Variants in P4HA2 observed in about 807,000 individuals in gnomAD.
P4HA2 encodes the protein prolyl 4-hydroxylase subunit alpha 2.
P4HA2 carries 46 observed loss-of-function variants against 76.9 expected under a neutral mutation model. The observed-to-expected ratio is 0.60, with a 90% CI of 0.47 to 0.76. The LOEUF is 0.76. P4HA2 is among the 30% of genes least tolerant of loss of function. P4HA2 has a pLI of 0.00. For missense variants in P4HA2, 583 were observed against 669.4 expected (o/e 0.87, Z 1.42); for synonymous variants, 243 against 254.0 (o/e 0.96, Z 0.41).
chr5:132,208,254 C>T lies in P4HA2; in HGVS notation c.904-370G>A, dbSNP rs192237871. On this transcript the variant is annotated intron_variant, in intron 7 of 14. Coordinates refer to ENST00000360568, the MANE Select transcript of P4HA2 (RefSeq NM_001017974.2). Reference sequence around the variant, plus strand: ...GCTGCAGTGAGCTATGATTATACCACTGCACACCAGCCTGGGCGACAGGGT... The same window carrying T: ...GCTGCAGTGAGCTATGATTATACCATTGCACACCAGCCTGGGCGACAGGGT... Among the ~76,000 whole-genome samples the T allele has an allele frequency of 2.1e-3, 316 of 148,218 alleles. 1 individual carries two copies. The highest frequency in any genetic ancestry group is 7.7e-3 in the African/African-American group (305 of 39,846).
In P4HA2 at chr5:132,195,445, G is replaced by A; in HGVS notation, c.1401C>T (p.Phe467=). The A allele has an allele frequency of 6.2e-7, 1 of 1,613,604 alleles. No individual in the cohort carries two copies. Among genetic ancestry groups the A allele is most frequent in the Non-Finnish European group, 8.5e-7 (1 of 1,179,522 alleles). Residue 467 remains phenylalanine (F), a synonymous_variant, in exon 13 of 15, where the codon TTC becomes TTT. Transcript: ENST00000360568. The part of the protein sequence containing the change: ...SDVEAGGATV[F]PDLGAAIWPK... Reference sequence around the variant, plus strand: ...GCCAAATTGCAGCCCCCAGATCAGGGAAGACGGTGGCACCACCAGCTTCTA... The same window carrying A: ...GCCAAATTGCAGCCCCCAGATCAGGAAAGACGGTGGCACCACCAGCTTCTA...
Position 132,209,248 on chromosome 5 carries a change from G to T in P4HA2, c.793C>A (p.Gln265Lys). ...GGGGTTGCTAGCTCAGCTTCTGTCT[G>T]ATTTGTTAACGTTTTTTCTCTCTCT... ...EEEREKTLTN[Q>K]TEAELATPEG... is the part of the protein sequence containing the mutation. The change falls in exon 7 of 15, where the codon CAG becomes AAG. Residue 265 changes from glutamine to lysine, a missense_variant. Transcript: ENST00000360568. 1 of 1,613,948 alleles carries T rather than the reference G, an allele frequency of 6.2e-7. No individual in the cohort carries two copies. The highest frequency in any genetic ancestry group is 8.5e-7 in the Non-Finnish European group (1 of 1,179,868).
chr5:132,213,712 T>C (rs1561487678), intron 5 of P4HA2, among the ~76,000 whole-genome samples: 1 of 152,148 alleles, frequency 6.6e-6, no homozygotes, highest in Non-Finnish European at 1.5e-5. Flanking sequence ...GAGAGGGCCT[T>C]GGCTAATACA....
chr5:132,217,006 G>A (rs1561492206), intron 4 of P4HA2, among the ~76,000 whole-genome samples, 191 bp downstream of exon 4: 2 of 152,140 alleles, frequency 1.3e-5, no homozygotes, highest in Non-Finnish European at 1.5e-5. Flanking sequence ...ATCATTACAT[G>A]TTAAAAACCA....
intron 10 of P4HA2, 53 bp downstream of exon 10, chr5:132,203,695 C>T (rs1580674876): frequency 4.3e-6 from 5 of 1,159,924 alleles, no homozygotes; most frequent in Non-Finnish European, 6.5e-6. Flanking sequence ...GTGAGACCAT[C>T]TAGCCACAAA....
intron 1 of P4HA2, among the ~76,000 whole-genome samples, 199 bp from the exon 2 acceptor site, chr5:132,218,843 C>T (rs1310945317): frequency 6.6e-6 from 1 of 152,162 alleles, no homozygotes; most frequent in East Asian, 1.9e-4. Context: ...AATTCTGGTC[C>T]CTGCTCTGGG....
chr5:132,216,941 C>CA (rs1011999160), intron 4 of P4HA2, among the ~76,000 whole-genome samples: 1 of 151,676 alleles, frequency 6.6e-6, no homozygotes, highest in Non-Finnish European at 1.5e-5. Flanking sequence ...ATGTCATTAG[C>CA]AAAAAATAAG....
intron 1 of P4HA2, among the ~76,000 whole-genome samples, chr5:132,223,621 C>T (rs1181119326): frequency 6.6e-6 from 1 of 152,220 alleles, no homozygotes; most frequent in African/African-American, 2.4e-5. Flanking sequence ...TCCAATAAAG[C>T]ATTAAGTACT....
chr5:132,192,937 A>G lies in P4HA2; in HGVS notation c.*73T>C, dbSNP rs200200474. Reference sequence around the variant, plus strand: ...AAAATCAGCCTGATAGGAACATACAAAGGAACATACAAAGGTGTCTGTCAC... The same window carrying G: ...AAAATCAGCCTGATAGGAACATACAGAGGAACATACAAAGGTGTCTGTCAC... On this transcript the variant is annotated 3_prime_UTR_variant, in exon 15 of 15. Transcript: ENST00000360568. 2.1e-6 allele frequency: 2 copies of G among 963,742 alleles called. No homozygotes were observed. The highest frequency in any genetic ancestry group is 1.3e-5 in the South Asian group (1 of 77,452). 59.7% of individuals were successfully genotyped at this position (963,742 alleles called of 1,614,324 possible).
In P4HA2 at chr5:132,213,942, C is replaced by T. The variant is rs746407250; in HGVS notation, c.443G>A (p.Gly148Asp). The T allele has an allele frequency of 8.1e-6, 13 of 1,614,142 alleles. No individual in the cohort carries two copies. The Admixed American group carries it at 1.7e-4, about 21-fold the overall frequency. ...RLQDTYRLDP[G>D]TISRGELPGT... ...TGGAAGTTCCCCTCTGGAAATTGTG[C>T]CTGGGTCCAGCCTGTATGTGTCCTG... The change falls in exon 5 of 15, where the codon GGC becomes GAC. Residue 148 changes from glycine (G) to aspartate (D), a missense_variant. Transcript: ENST00000360568.
At chr5:132,219,703 A>G (rs930883142) in intron 1 of P4HA2, among the ~76,000 whole-genome samples, 2 of 152,198 alleles carry the variant, frequency 1.3e-5, no homozygotes. Context: ...CAAAGGAAAT[A>G]CAAATGCTTT....
chr5:132,197,357 C>T (rs1157846333), intron 12 of P4HA2, among the ~76,000 whole-genome samples: 1 of 152,156 alleles, frequency 6.6e-6, no homozygotes, highest in African/African-American at 2.4e-5. Context: ...CCTGTAATCC[C>T]AGCACTTTGG....
In P4HA2 at chr5:132,193,168, G is replaced by A. The variant is rs574561703; in HGVS notation, c.1532-88C>T. The A allele has an allele frequency of 2.9e-5, 25 of 853,230 alleles. No homozygotes were observed. In the African/African-American group the frequency reaches 4.0e-4, roughly 14 times the overall value. The allele number at this position is 853,230 out of a possible 1,614,324, so 52.9% of individuals were successfully genotyped here. On this transcript the variant is annotated intron_variant, in intron 14 of 14. Transcript: ENST00000360568. Reference sequence around the variant, plus strand: ...CTCCTTCATGATGACCCCCTGCACTGTGCCCTGGAATCAGACACAAATAAG... The same window carrying A: ...CTCCTTCATGATGACCCCCTGCACTATGCCCTGGAATCAGACACAAATAAG...
At position 132,198,777 on chromosome 5, in the gene P4HA2, G is replaced by A. The variant is rs80329744; in HGVS notation, c.1305+102C>T. The stretch of plus-strand genomic sequence containing the variant: ...TGCAGAGGTGGAGGGAGGACAAGGG[G>A]TGGGGGTACTGATGTGGAGGCTGAA... On this transcript the variant is annotated intron_variant, in intron 11 of 14. Transcript: ENST00000360568. The A allele has an allele frequency of 4.6e-3, 3,741 of 812,524 alleles. 91 individuals carry two copies. The African/African-American group carries it at 0.052, about 11-fold the overall frequency. 50.3% of individuals were successfully genotyped at this position (812,524 alleles called of 1,614,324 possible). A position where few individuals can be genotyped will look rare whatever the true frequency, so the allele number is the denominator to read the frequency against.
intron 1 of P4HA2, among the ~76,000 whole-genome samples, chr5:132,223,659 G>A (rs1754940118): frequency 6.6e-6 from 1 of 152,188 alleles, no homozygotes; most frequent in African/African-American, 2.4e-5. Flanking sequence ...TGTTTCCTGG[G>A]AACATAGTCT....
intron 11 of P4HA2, 101 bp downstream of exon 11, chr5:132,198,778 T>G: frequency 6.2e-6 from 5 of 808,230 alleles, no homozygotes; most frequent in South Asian, 1.4e-5. Flanking sequence ...GGACAAGGGG[T>G]GGGGGTACTG....
At position 132,193,047 on chromosome 5, in the gene P4HA2, T is replaced by G. The variant is rs201480050; in HGVS notation, c.1565A>C (p.Glu522Ala). 1 of 1,613,126 alleles carries G rather than the reference T, an allele frequency of 6.2e-7. No homozygotes were observed. The highest frequency in any genetic ancestry group is 1.1e-5 in the South Asian group (1 of 91,046). ...SNKWFHERGQ[E>A]FLRPCGSTEV... Reference sequence around the variant, plus strand: ...TGTTGATCCACAAGGTCTCAAGAACTCCTGTCCTCGTTCATGGAACCACTT... The same window carrying G: ...TGTTGATCCACAAGGTCTCAAGAACGCCTGTCCTCGTTCATGGAACCACTT... Residue 522 changes from glutamate (E) to alanine (A), a missense_variant, in exon 15 of 15, where the codon GAG becomes GCG. Coordinates refer to ENST00000360568, the MANE Select transcript of P4HA2 (RefSeq NM_001017974.2).
intron 1 of P4HA2, among the ~76,000 whole-genome samples, chr5:132,220,159 C>G (rs1245283375): frequency 6.6e-6 from 1 of 152,244 alleles, no homozygotes; most frequent in Non-Finnish European, 1.5e-5. Context: ...TGGGCTTGCC[C>G]TGAGGCAGAG....
chr5:132,217,962 CAG>C, intron 2 of P4HA2, 114 bp from the exon 3 acceptor site: 1 of 656,466 alleles, frequency 1.5e-6, no homozygotes, highest in Non-Finnish European at 2.7e-6. Context: ...AAGAACATGT[CAG>C]CTCTCTGAGG....
Sources: allele counts gnomAD v4.1 joint callset (sites outside exome capture counted in the v4.1 genomes callset), GRCh38; gene constraint gnomAD v4.1.1; transcripts MANE v1.5; gene names NCBI Gene and HGNC (gene_info 2026-07-23, HGNC 2026-07-21).